The following NKAIN1 variants were observed in gnomAD, a reference collection of about 807,000 sequenced individuals.
NKAIN1 encodes sodium/potassium-transporting ATPase subunit beta-1-interacting protein 1.
NKAIN1 carries 13 observed loss-of-function variants against 31.6 expected under a neutral mutation model. The ratio of observed to expected loss-of-function variants is 0.41; its 90% CI spans 0.27 to 0.65. NKAIN1 has a LOEUF of 0.65. NKAIN1 is among the 30% of genes least tolerant of loss of function. The pLI, the probability that NKAIN1 is intolerant of heterozygous loss-of-function variation, is 0.30. For synonymous variants in NKAIN1, 104 were observed against 109.0 expected, an observed-to-expected ratio of 0.95 and a Z score of 0.28; for missense variants, 193 against 262.2, an observed-to-expected ratio of 0.74 and a Z score of 1.82.
At chr1:31,229,792 C>T (rs1645632232) in intron 1 of NKAIN1, among the ~76,000 whole-genome samples, 1 of 152,140 alleles carries the variant, frequency 6.6e-6, no homozygotes, top group African/African-American at 2.4e-5. Flanking sequence ...GGCCAGGCAG[C>T]ACCTCTTACC....
chr1:31,198,211 C>G (rs942368057), intron 1 of NKAIN1, among the ~76,000 whole-genome samples: 1 of 152,152 alleles, frequency 6.6e-6, no homozygotes. Flanking sequence ...GCTACTACCC[C>G]ATTCTAGAGC....
At chr1:31,186,492 G>A (rs540790812) in intron 2 of NKAIN1, among the ~76,000 whole-genome samples, 2 of 151,366 alleles carry the variant, frequency 1.3e-5, no homozygotes, top group South Asian at 4.2e-4. Context: ...AGAGACAGGA[G>A]GTTATCCTGC....
intron 1 of NKAIN1, among the ~76,000 whole-genome samples, chr1:31,200,838 G>A (rs1023954839): frequency 2.2e-4 from 32 of 146,388 alleles, no homozygotes; most frequent in African/African-American, 8.1e-4. Flanking sequence ...AACATTTCTC[G>A]AGTGCCTTTT....
chr1:31,213,873 AG>A (rs2148360382), intron 1 of NKAIN1, among the ~76,000 whole-genome samples: 1 of 152,198 alleles, frequency 6.6e-6, no homozygotes, highest in East Asian at 1.9e-4. Context: ...GCACACCTGT[AG>A]TCCCAGCTAC....
At chr1:31,200,064 C>A (rs1645366988) in intron 1 of NKAIN1, among the ~76,000 whole-genome samples, 1 of 152,116 alleles carries the variant, frequency 6.6e-6, no homozygotes, top group Non-Finnish European at 1.5e-5. Context: ...CACGCACGCG[C>A]ACGCACGAAC....
intron 1 of NKAIN1, among the ~76,000 whole-genome samples, chr1:31,232,121 C>T (rs552353829): frequency 4.7e-4 from 69 of 148,308 alleles, no homozygotes; most frequent in African/African-American, 1.5e-3. Flanking sequence ...GACGGAGTTT[C>T]GCTCTTGTTA....
At chr1:31,196,438 A>G (rs1315337421) in intron 1 of NKAIN1, among the ~76,000 whole-genome samples, 6 of 146,822 alleles carry the variant, frequency 4.1e-5, no homozygotes, top group Non-Finnish European at 9.0e-5. Flanking sequence ...GCTTGAACCC[A>G]GGAGGCGGAG....
chr1:31,218,468 C>T (rs952642157), intron 1 of NKAIN1, among the ~76,000 whole-genome samples: 6 of 152,118 alleles, frequency 3.9e-5, no homozygotes, highest in Non-Finnish European at 2.9e-5. Flanking sequence ...GAGGCAGGTA[C>T]ACTCATCTCC....
In NKAIN1 at chr1:31,216,700, T is replaced by TTATCTATC. The variant is rs1180588904; in HGVS notation, c.54+22793_54+22794insGATAGATA. On this transcript the variant is annotated intron_variant, in intron 1 of 6. Coordinates refer to ENST00000373736, the MANE Select transcript of NKAIN1 (RefSeq NM_024522.3). ...GCCTGTGGCATTGACTTTTATTTAT[T>TTATCTATC]TATTTATTTATTTATTTATTTATTT... is the stretch of plus-strand genomic sequence containing the variant. Among the ~76,000 whole-genome samples the TTATCTATC allele has an allele frequency of 4.1e-3, 616 of 149,436 alleles. 7 individuals are homozygous for TTATCTATC. The highest frequency in any genetic ancestry group is 0.014 in the African/African-American group (592 of 40,834).
chr1:31,209,332 G>A (rs570695293), intron 1 of NKAIN1, among the ~76,000 whole-genome samples: 41 of 151,880 alleles, frequency 2.7e-4, no homozygotes, highest in African/African-American at 6.5e-4. Flanking sequence ...CCGAGATTGC[G>A]CCACTGCACT....
chr1:31,194,767 C>CTTTTTTTT (rs35385145), intron 1 of NKAIN1, among the ~76,000 whole-genome samples: 2 of 99,400 alleles, frequency 2.0e-5, no homozygotes, highest in Middle Eastern at 6.8e-3. Context: ...CTCTCTCTCT[C>CTTTTTTTT]TTTTTTTTTT....
chr1:31,237,640 C>T (rs1645702113), intron 1 of NKAIN1, among the ~76,000 whole-genome samples: 1 of 151,894 alleles, frequency 6.6e-6, no homozygotes, highest in Non-Finnish European at 1.5e-5. Context: ...GCTGGGATTA[C>T]AGATGCGTGC....
intron 1 of NKAIN1, among the ~76,000 whole-genome samples, chr1:31,192,676 G>T (rs931090090): frequency 6.6e-6 from 1 of 150,520 alleles, no homozygotes; most frequent in African/African-American, 2.4e-5. Context: ...TCAGCCTCCC[G>T]AGTAGCTGGG....
At chr1:31,219,480 CTGGGG>C (rs1296594372) in intron 1 of NKAIN1, among the ~76,000 whole-genome samples, 4 of 152,202 alleles carry the variant, frequency 2.6e-5, no homozygotes, top group African/African-American at 9.7e-5. Flanking sequence ...TCCTGAGTAT[CTGGGG>C]TGGAGTCTAG....
At chr1:31,189,061 A>G (rs936770807) in intron 1 of NKAIN1, among the ~76,000 whole-genome samples, 2 of 151,946 alleles carry the variant, frequency 1.3e-5, no homozygotes, top group Non-Finnish European at 2.9e-5. Flanking sequence ...GAGCTTGCCA[A>G]CTTGCTTCAC....
intron 1 of NKAIN1, among the ~76,000 whole-genome samples, chr1:31,206,237 A>AAAATAAATAAACAAATAAATAAATAAAT (rs1645422684): frequency 7.6e-6 from 1 of 130,812 alleles, no homozygotes; most frequent in African/African-American, 2.7e-5. Context: ...CTCCATCTCA[A>AAAATAAATAAACAAATAAATAAATAAAT]AAATAAATAA....
rs1645221697 is a variant in NKAIN1, at chr1:31,183,804, C to G, written c.471+13G>C. On this transcript the variant is annotated intron_variant, in intron 4 of 6. Transcript: ENST00000373736. ...CGGGAAGTGTGTGTAGGGTGGGGGA[C>G]AGAAGGACTTACTGCCAGGAAGATC... 4 of 1,607,248 alleles carry G rather than the reference C, an allele frequency of 2.5e-6. No homozygotes were observed. Among genetic ancestry groups the G allele is most frequent in the Non-Finnish European group, 3.4e-6 (4 of 1,176,124 alleles).
In NKAIN1 at chr1:31,239,720, C is replaced by A. The variant is rs1182361235; in HGVS notation, c.-173G>T. ...GGTCCCCAAGGCTGGGGCCGGCCGC[C>A]CGCGCTCCGAGTCCATGGTCCGTCC... is the stretch of plus-strand genomic sequence containing the variant. On this transcript the variant is annotated 5_prime_UTR_variant, in exon 1 of 7. Coordinates refer to ENST00000373736, the MANE Select transcript of NKAIN1 (RefSeq NM_024522.3). The surrounding 1 kb of genome is among the most constrained non-coding windows in gnomAD (Gnocchi z 4.8). Among the ~76,000 whole-genome samples, 7 of 150,540 alleles carry A rather than the reference C, an allele frequency of 4.6e-5. No individual in the cohort carries two copies. In the East Asian group the frequency reaches 1.4e-3, roughly 29 times the overall value.
chr1:31,188,825 C>A (rs186768819), intron 1 of NKAIN1, among the ~76,000 whole-genome samples: 1 of 152,048 alleles, frequency 6.6e-6, no homozygotes, highest in African/African-American at 2.4e-5. Context: ...CCAGTCTGGG[C>A]AACCTGGTGA....
Sources: gnomAD v4.1 joint callset for allele counts (sites outside exome capture counted in the v4.1 genomes callset) on GRCh38, gnomAD v4.1.1 for gene constraint, Gnocchi (gnomAD v3.1) non-coding constraint, MANE v1.5 for transcripts, NCBI Gene and HGNC (gene_info 2026-07-23, HGNC 2026-07-21) for gene names.